The following MSRA variants were observed in gnomAD, a reference collection of about 807,000 sequenced individuals.
The protein encoded by MSRA is mitochondrial peptide methionine sulfoxide reductase.
MSRA carries 54 observed loss-of-function variants against 31.3 expected under a neutral mutation model. That is an observed-to-expected ratio of 1.73 (90% CI 1.39 to 2.17). The LOEUF (loss-of-function observed/expected upper bound fraction) is 2.17. Among genes scored for constraint, MSRA ranks in the 30% most tolerant of loss-of-function variants. The probability of loss-of-function intolerance (pLI) is 0.00; values close to 1 mark genes in which losing one functional copy is unlikely to be tolerated. For missense variants in MSRA, 507 were observed against 300.9 expected (o/e 1.69, Z -5.07); for synonymous variants, 169 against 116.5 (o/e 1.45, Z -2.90).
At chr8:10,096,624 T>C (rs1266666192) in intron 1 of MSRA, among the ~76,000 whole-genome samples, 1 of 152,228 alleles carries the variant, frequency 6.6e-6, no homozygotes, top group Non-Finnish European at 1.5e-5. Context: ...CAAAATGTTT[T>C]AAGTAGAAGG....
At chr8:10,369,900 C>A (rs1226484707) in intron 5 of MSRA, among the ~76,000 whole-genome samples, 1 of 152,200 alleles carries the variant, frequency 6.6e-6, no homozygotes, top group Non-Finnish European at 1.5e-5. Context: ...ATCATTCATT[C>A]ATTCTCCTAT....
At chr8:10,250,118 C>T (rs971674741) in intron 3 of MSRA, among the ~76,000 whole-genome samples, 1 of 151,514 alleles carries the variant, frequency 6.6e-6, no homozygotes, top group African/African-American at 2.4e-5. Flanking sequence ...TACACATGCA[C>T]ACACACACAC....
intron 5 of MSRA, among the ~76,000 whole-genome samples, chr8:10,426,087 A>C (rs957914792): frequency 1.3e-5 from 2 of 152,216 alleles, no homozygotes; most frequent in African/African-American, 4.8e-5. Flanking sequence ...CTTCACAGGC[A>C]AATGCTAGCG....
intron 4 of MSRA, among the ~76,000 whole-genome samples, chr8:10,305,902 T>C (rs1341661448): frequency 1.3e-5 from 2 of 152,246 alleles, no homozygotes; most frequent in African/African-American, 2.4e-5. Flanking sequence ...ATTACTCATG[T>C]GGTCAGTAAG....
chr8:10,080,450 T>G (rs1798236536), intron 1 of MSRA, among the ~76,000 whole-genome samples: 1 of 152,092 alleles, frequency 6.6e-6, no homozygotes, highest in African/African-American at 2.4e-5. Context: ...GAGCCGAGGT[T>G]CTTTCCACAG....
chr8:10,081,522 C>A (rs28695225), intron 1 of MSRA, among the ~76,000 whole-genome samples: 7,021 of 152,208 alleles, frequency 0.046, 394 homozygotes, highest in African/African-American at 0.13. Flanking sequence ...TGGAGTCTTA[C>A]TCTGTCACCC....
At chr8:10,180,404 C>T (rs1806437648) in intron 1 of MSRA, among the ~76,000 whole-genome samples, 1 of 152,082 alleles carries the variant, frequency 6.6e-6, no homozygotes, top group Non-Finnish European at 1.5e-5. Context: ...TCTAGGAACC[C>T]ATTGTTTAGG....
At position 10,245,415 on chromosome 8, in the gene MSRA, G is replaced by A. The variant is rs58506724; in HGVS notation, c.331+192G>A. 4.8e-3 allele frequency among the ~76,000 whole-genome samples: 733 copies of A among 152,298 alleles called. 11 individuals carry two copies. The highest frequency in any genetic ancestry group is 0.016 in the African/African-American group (664 of 41,546). On this transcript the variant is annotated intron_variant, in intron 3 of 5. Transcript: ENST00000317173. Reference sequence around the variant, plus strand: ...GAAGATGATAATCTTCCTGTGGAGTGCACCATTTAGCTTTTGCTGTGGAAC... The same window carrying A: ...GAAGATGATAATCTTCCTGTGGAGTACACCATTTAGCTTTTGCTGTGGAAC...
chr8:10,115,014 C>T (rs1333924645), intron 1 of MSRA, among the ~76,000 whole-genome samples: 2 of 152,084 alleles, frequency 1.3e-5, no homozygotes, highest in African/African-American at 2.4e-5. Flanking sequence ...AGTTATTAAA[C>T]AGTGTAGTTT....
At chr8:10,134,727 A>G (rs1000600513) in intron 1 of MSRA, among the ~76,000 whole-genome samples, 1 of 152,256 alleles carries the variant, frequency 6.6e-6, no homozygotes, top group Non-Finnish European at 1.5e-5. Context: ...TGAAATGTCT[A>G]GGAGGGCAGT....
chr8:10,374,916 G>T (rs1563408681), intron 5 of MSRA, among the ~76,000 whole-genome samples: 1 of 152,052 alleles, frequency 6.6e-6, no homozygotes, highest in African/African-American at 2.4e-5. Context: ...GCAAGAGCTG[G>T]TTGCTTAAAA....
At chr8:10,109,187 C>T (rs761664235) in intron 1 of MSRA, among the ~76,000 whole-genome samples, 8 of 152,148 alleles carry the variant, frequency 5.3e-5, no homozygotes, top group Admixed American at 1.3e-4. Flanking sequence ...TTAAAAAAAG[C>T]ACTTTGGCTC....
chr8:10,065,937 C>T (rs1417169128), intron 1 of MSRA, among the ~76,000 whole-genome samples: 2 of 151,348 alleles, frequency 1.3e-5, no homozygotes, highest in African/African-American at 2.4e-5. Context: ...GAGATAGCTC[C>T]TCCTGGCTTC....
chr8:10,403,034 A>G (rs1244441648), intron 5 of MSRA, among the ~76,000 whole-genome samples: 1 of 152,198 alleles, frequency 6.6e-6, no homozygotes, highest in African/African-American at 2.4e-5. Flanking sequence ...TTCATGCACA[A>G]AAGCCAGGAT....
chr8:10,166,803 ATC>A, intron 1 of MSRA, among the ~76,000 whole-genome samples: 1 of 152,178 alleles, frequency 6.6e-6, no homozygotes, highest in Non-Finnish European at 1.5e-5. Flanking sequence ...CCTGGCCCTC[ATC>A]TGTCAGCAGA....
intron 2 of MSRA, among the ~76,000 whole-genome samples, chr8:10,222,476 TTA>T (rs1810604218): frequency 6.6e-6 from 1 of 152,178 alleles, no homozygotes; most frequent in South Asian, 2.1e-4. Context: ...AACAAGACTA[TTA>T]TATCATTCAA....
At chr8:10,063,097 C>G (rs1409079948) in intron 1 of MSRA, among the ~76,000 whole-genome samples, 2 of 152,174 alleles carry the variant, frequency 1.3e-5, no homozygotes, top group Non-Finnish European at 2.9e-5. Flanking sequence ...TAAAACCAAA[C>G]TTAGCATTTT....
chr8:10,403,547 G>A (rs984135614), intron 5 of MSRA, among the ~76,000 whole-genome samples: 1 of 152,164 alleles, frequency 6.6e-6, no homozygotes, highest in Admixed American at 6.5e-5. Flanking sequence ...GGGGAAGGTG[G>A]TCCGCGGCAC....
intron 5 of MSRA, among the ~76,000 whole-genome samples, chr8:10,332,041 T>C (rs1802730660): frequency 6.6e-6 from 1 of 152,194 alleles, no homozygotes; most frequent in South Asian, 2.1e-4. Context: ...GATCCTCAAA[T>C]TTCCAACCAT....
Sources: allele counts gnomAD v4.1 joint callset (sites outside exome capture counted in the v4.1 genomes callset), GRCh38; gene constraint gnomAD v4.1.1; transcripts MANE v1.5; gene names NCBI Gene and HGNC (gene_info 2026-07-23, HGNC 2026-07-21).